KIAA1217: variants seen among roughly 807,000 people sequenced by gnomAD.
The protein encoded by KIAA1217 is KIAA1217, also known as sickle tail protein homolog.
In KIAA1217, 88 loss-of-function variants were observed where a neutral mutation model predicts 163.9. That is an observed-to-expected ratio of 0.54 (90% CI 0.45 to 0.64). The LOEUF is 0.64. Among genes scored for constraint, KIAA1217 ranks in the 30% least tolerant of loss-of-function variants. KIAA1217 has a pLI of 0.00. For missense variants in KIAA1217, 2,372 were observed against 2,475.0 expected (o/e 0.96, Z 0.88); for synonymous variants, 903 against 923.1 (o/e 0.98, Z 0.39).
intron 2 of KIAA1217, among the ~76,000 whole-genome samples, chr10:24,345,785 G>A (rs1591170016): frequency 6.6e-6 from 1 of 151,726 alleles, no homozygotes; most frequent in East Asian, 1.9e-4. Context: ...TTTGACTATC[G>A]GCAACTTTAC....
At chr10:23,813,242 T>C (rs768956165) in intron 1 of KIAA1217, among the ~76,000 whole-genome samples, 53 of 152,312 alleles carry the variant, frequency 3.5e-4, no homozygotes, top group South Asian at 1.2e-3. Flanking sequence ...TTTGGACAAC[T>C]ATCAGCTTCT....
At chr10:24,449,852 G>C (rs748189508) in intron 5 of KIAA1217, 13 of 662,638 alleles carry the variant, frequency 2.0e-5, no homozygotes, top group Non-Finnish European at 2.4e-5. Flanking sequence ...CTTGTCTTCT[G>C]TATTCAAGTT....
At chr10:24,135,088 C>G (rs1215973579) in intron 2 of KIAA1217, among the ~76,000 whole-genome samples, 3 of 152,158 alleles carry the variant, frequency 2.0e-5, no homozygotes, top group African/African-American at 7.2e-5. Context: ...TGACCTCCAA[C>G]AAGTAATTTG....
At chr10:24,163,603 C>T (rs527303856) in intron 2 of KIAA1217, among the ~76,000 whole-genome samples, 99 of 152,284 alleles carry the variant, frequency 6.5e-4, no homozygotes, top group African/African-American at 2.1e-3. Flanking sequence ...TTAGTAAGTA[C>T]GCCTCACAAT....
At chr10:24,298,815 A>T (rs1486712649) in intron 2 of KIAA1217, among the ~76,000 whole-genome samples, 1 of 152,132 alleles carries the variant, frequency 6.6e-6, no homozygotes, top group Non-Finnish European at 1.5e-5. Flanking sequence ...AAAAATAAAT[A>T]AATAAAATAA....
chr10:24,542,522 T>C, intron 17 of KIAA1217, 171 bp from the exon 18 acceptor site: 1 of 1,433,796 alleles, frequency 7.0e-7, no homozygotes, highest in Non-Finnish European at 9.2e-7. Context: ...TTTTGGCAGT[T>C]GGAGAACAAA....
At chr10:24,437,357 C>T (rs536135165) in intron 4 of KIAA1217, among the ~76,000 whole-genome samples, 12 of 152,258 alleles carry the variant, frequency 7.9e-5, no homozygotes, top group Middle Eastern at 3.4e-3. Flanking sequence ...CAATTACTGG[C>T]GGATATTTAA....
chr10:23,784,682 G>C (rs1835411891), intron 1 of KIAA1217, among the ~76,000 whole-genome samples: 1 of 152,096 alleles, frequency 6.6e-6, no homozygotes, highest in Non-Finnish European at 1.5e-5. Flanking sequence ...AGTTATAACT[G>C]TCTATTTCAA....
rs7080364 is a variant in KIAA1217, at chr10:24,126,408, G to C, written c.-170-93218G>C. On this transcript the variant is annotated intron_variant, in intron 2 of 18. Transcript: ENST00000376462. ...ATAGTATTTATGCCCTTTAGTCTTAGTCACTTAAAACATGTTAGATAATCT... is the reference window on the plus strand; with the variant it reads ...ATAGTATTTATGCCCTTTAGTCTTACTCACTTAAAACATGTTAGATAATCT... Among the ~76,000 whole-genome samples the C allele has an allele frequency of 5.9e-3, 904 of 152,052 alleles. 8 individuals are homozygous for C. Among genetic ancestry groups the C allele is most frequent in the African/African-American group, 0.021 (871 of 41,488 alleles).
chr10:23,854,007 A>C (rs1004222047), intron 1 of KIAA1217, among the ~76,000 whole-genome samples: 6 of 151,858 alleles, frequency 4.0e-5, no homozygotes, highest in Non-Finnish European at 7.4e-5. Flanking sequence ...TTGTGTCTCT[A>C]TTTCCTTCAG....
At chr10:24,345,253 C>G (rs552226715) in intron 2 of KIAA1217, among the ~76,000 whole-genome samples, 1 of 152,316 alleles carries the variant, frequency 6.6e-6, no homozygotes, top group South Asian at 2.1e-4. Flanking sequence ...GCAGATGGCA[C>G]TTAGGGACAG....
In KIAA1217 at chr10:24,409,773, G is replaced by A. The variant is rs2057570482; in HGVS notation, c.554-23222G>A. Among the ~76,000 whole-genome samples, 4 of 151,956 alleles carry A rather than the reference G, an allele frequency of 2.6e-5. No individual in the cohort carries two copies. The South Asian group carries it at 8.3e-4, about 31-fold the overall frequency. Reference sequence around the variant, plus strand: ...CCACCCTTTCCCCTGAGTCCCCAGAGTCCACTCTATCATTCTTATGCCTTT... The same window carrying A: ...CCACCCTTTCCCCTGAGTCCCCAGAATCCACTCTATCATTCTTATGCCTTT... On this transcript the variant is annotated intron_variant, in intron 3 of 20. Coordinates refer to ENST00000376454, the MANE Select transcript of KIAA1217 (RefSeq NM_019590.5).
intron 11 of KIAA1217, among the ~76,000 whole-genome samples, 171 bp downstream of exon 11, chr10:24,520,424 TC>T (rs970985725): frequency 9.9e-5 from 15 of 151,454 alleles, no homozygotes; most frequent in African/African-American, 3.6e-4. Context: ...TAGGTGCACA[TC>T]CCCCTCTTCT....
chr10:24,313,843 GTTT>G (rs35876174), intron 2 of KIAA1217, among the ~76,000 whole-genome samples: 1 of 113,426 alleles, frequency 8.8e-6, no homozygotes, highest in Non-Finnish European at 1.8e-5. Context: ...CCATCTGGTT[GTTT>G]TTTTTTTTTT....
At position 24,473,322 on chromosome 10, in the gene KIAA1217, C is replaced by A. The variant is rs200034563; in HGVS notation, c.941C>A (p.Pro314Gln). The change falls in exon 6 of 21, where the codon CCA becomes CAA. Residue 314 changes from proline (P) to glutamine (Q), a missense_variant. Pro to Gln is a moderately conservative substitution (Grantham distance 76). Transcript: ENST00000376454. ...CCACCCCATGCGATTCCAAATTCCC[C>A]ACCGTCTACTCCAGTGCCCCATTCC... The part of the protein sequence containing the change: ...AHPPHAIPNS[P>Q]PSTPVPHSMP... 152 of 1,565,954 alleles carry A rather than the reference C, an allele frequency of 9.7e-5. No homozygotes were observed. Among genetic ancestry groups the A allele is most frequent in the Non-Finnish European group, 1.2e-4 (143 of 1,156,054 alleles).
chr10:24,436,480 T>C (rs1352830302), intron 4 of KIAA1217, among the ~76,000 whole-genome samples: 23 of 138,626 alleles, frequency 1.7e-4, no homozygotes, highest in East Asian at 4.6e-4. Flanking sequence ...AAAAAAAGGC[T>C]GGGCGCTGTG....
At chr10:24,315,670 A>C (rs1217450909) in intron 2 of KIAA1217, among the ~76,000 whole-genome samples, 4 of 151,726 alleles carry the variant, frequency 2.6e-5, no homozygotes, top group Non-Finnish European at 5.9e-5. Flanking sequence ...GGCTTGAGGC[A>C]GGAGGATCGA....
intron 2 of KIAA1217, among the ~76,000 whole-genome samples, chr10:24,329,030 T>A (rs892754331): frequency 1.9e-4 from 28 of 148,996 alleles, no homozygotes; most frequent in Non-Finnish European, 3.7e-4. Flanking sequence ...GCACATAGCA[T>A]ATACTATATA....
At chr10:24,443,815 A>G (rs2060696706) in intron 5 of KIAA1217, among the ~76,000 whole-genome samples, 1 of 152,242 alleles carries the variant, frequency 6.6e-6, no homozygotes, top group Admixed American at 6.5e-5. Context: ...AAGTGTTTAC[A>G]GGTTAAATGA....
Sources: gnomAD v4.1 joint callset for allele counts (sites outside exome capture counted in the v4.1 genomes callset) on GRCh38, gnomAD v4.1.1 for gene constraint, MANE v1.5 for transcripts, NCBI Gene and HGNC (gene_info 2026-07-23, HGNC 2026-07-21) for gene names.